The following C6orf89 variants were observed in gnomAD, a reference collection of about 807,000 sequenced individuals.
C6orf89 encodes the protein bombesin receptor-activated protein C6orf89.
In C6orf89, 29 loss-of-function variants were observed where a neutral mutation model predicts 40.7. The observed-to-expected ratio is 0.71, with a 90% CI of 0.53 to 0.97. The LOEUF (loss-of-function observed/expected upper bound fraction) is 0.97, where lower values mean the gene tolerates loss of function less well. Among genes scored for constraint, C6orf89 ranks in the 50% least tolerant of loss-of-function variants. The probability of loss-of-function intolerance (pLI) is 0.00; values close to 1 mark genes in which losing one functional copy is unlikely to be tolerated. For synonymous variants in C6orf89, 165 were observed against 152.2 expected, an observed-to-expected ratio of 1.08 and a Z score of -0.62; for missense variants, 392 against 429.1, an observed-to-expected ratio of 0.91 and a Z score of 0.76.
chr6:36,903,835 C>T (rs1761823039), intron 4 of C6orf89, among the ~76,000 whole-genome samples: 1 of 151,950 alleles, frequency 6.6e-6, no homozygotes, highest in Non-Finnish European at 1.5e-5. Context: ...ACAAGAATTC[C>T]ACCTCAGGAG....
intron 1 of C6orf89, among the ~76,000 whole-genome samples, chr6:36,894,161 A>G (rs999467872): frequency 2.6e-5 from 4 of 152,040 alleles, no homozygotes; most frequent in Admixed American, 2.0e-4. Flanking sequence ...GGATTCTCCT[A>G]CCGGCACACC....
At position 36,923,979 on chromosome 6, in the gene C6orf89, A is replaced by T. The variant is rs2150720755; in HGVS notation, c.*538A>T. The T allele has an allele frequency of 5.3e-6, 1 of 188,862 alleles. No individual in the cohort carries two copies. Among genetic ancestry groups the T allele is most frequent in the East Asian group, 1.3e-4 (1 of 7,442 alleles). 11.7% of individuals were successfully genotyped at this position (188,862 alleles called of 1,614,324 possible). On this transcript the variant is annotated 3_prime_UTR_variant, in exon 9 of 9. Transcript: ENST00000480824. ...AGAAACAGTGAAAAAAGTTCAGATA[A>T]CTTTGAATTGCATTCAAGAAGTACA...
At chr6:36,886,148 C>T in intron 1 of C6orf89, 120 bp downstream of exon 1, 5 of 920,240 alleles carry the variant, frequency 5.4e-6, no homozygotes, top group South Asian at 5.0e-5. Flanking sequence ...TCTATCCCAG[C>T]GCGGATCCCT....
At chr6:36,907,275 CTTTTG>C (rs58524464) in intron 4 of C6orf89, among the ~76,000 whole-genome samples, 32,303 of 151,056 alleles carry the variant, frequency 0.21, 3,478 homozygotes, top group East Asian at 0.29. Context: ...GGAAAGAAAT[CTTTTG>C]TTTTGTTTTG....
intron 4 of C6orf89, among the ~76,000 whole-genome samples, chr6:36,911,581 G>A (rs1232450085): frequency 6.6e-6 from 1 of 152,122 alleles, no homozygotes; most frequent in Non-Finnish European, 1.5e-5. Flanking sequence ...GCTAGCCCAT[G>A]CAGCACCTTT....
At chr6:36,915,972 A>G (rs36098393) in intron 6 of C6orf89, among the ~76,000 whole-genome samples, 11,127 of 152,186 alleles carry the variant, frequency 0.073, 421 homozygotes, top group South Asian at 0.1. Context: ...TAATGCTTCT[A>G]TCTTTCTTTA....
At position 36,927,621 on chromosome 6, in the gene C6orf89, T is replaced by G. The variant is rs1466509682; in HGVS notation, c.*4180T>G. On this transcript the variant is annotated 3_prime_UTR_variant, in exon 9 of 9. Coordinates refer to ENST00000480824, the MANE Select transcript of C6orf89 (RefSeq NM_001286635.2). ...TGACCCATCACCCACTACAATTTGT[T>G]GAAGGAAGGGAGTGTCAGAGATATG... is the stretch of plus-strand genomic sequence containing the variant. The G allele has an allele frequency of 2.6e-5, 4 of 152,238 alleles. No homozygotes were observed. 9.4% of individuals were successfully genotyped at this position (152,238 alleles called of 1,614,324 possible).
At position 36,925,238 on chromosome 6, in the gene C6orf89, G is replaced by C. The variant is rs563986411; in HGVS notation, c.*1797G>C. 6.6e-6 allele frequency: 1 copy of C among 152,194 alleles called. No homozygotes were observed. The highest frequency in any genetic ancestry group is 6.5e-5 in the Admixed American group (1 of 15,284). The allele number at this position is 152,194 out of a possible 1,614,324, so 9.4% of individuals were successfully genotyped here. A position where few individuals can be genotyped will look rare whatever the true frequency, so the allele number is the denominator to read the frequency against. ...CTTCTGCAGTGTCCTTACCCTGGCT[G>C]TACATGGGGAAGGGCTATGTGTAAA... is the stretch of plus-strand genomic sequence containing the variant. On this transcript the variant is annotated 3_prime_UTR_variant, in exon 9 of 9. Transcript: ENST00000480824.
intron 5 of C6orf89, 22 bp from the exon 6 acceptor site, chr6:36,914,531 GT>G (rs756021097): frequency 1.2e-6 from 2 of 1,613,322 alleles, no homozygotes; most frequent in African/African-American, 1.3e-5. Context: ...GTGTTGTTTT[GT>G]TTTGTTTCCT....
At chr6:36,899,892 G>A (rs890474529) in intron 3 of C6orf89, among the ~76,000 whole-genome samples, 15 of 152,208 alleles carry the variant, frequency 9.9e-5, no homozygotes, top group African/African-American at 3.4e-4. Flanking sequence ...TGTTTGTTGT[G>A]TGTGTGTGTT....
At chr6:36,901,691 C>G (rs1339561925) in intron 3 of C6orf89, among the ~76,000 whole-genome samples, 1 of 142,782 alleles carries the variant, frequency 7.0e-6, no homozygotes, top group Admixed American at 7.1e-5. Flanking sequence ...TTTTTTGAGA[C>G]GGAGTCTCTC....
At chr6:36,899,800 T>C (rs1761595744) in intron 3 of C6orf89, among the ~76,000 whole-genome samples, 167 bp downstream of exon 3, 1 of 152,256 alleles carries the variant, frequency 6.6e-6, no homozygotes, top group South Asian at 2.1e-4. Context: ...GACTGTGTTG[T>C]TAAAGGTCCT....
rs79686273 is a variant in C6orf89 at position 36,923,355 on chromosome 6, G to A, written c.958G>A (p.Asp320Asn). 9.9e-6 allele frequency: 16 copies of A among 1,613,508 alleles called. No individual in the cohort carries two copies. Among genetic ancestry groups the A allele is most frequent in the African/African-American group, 1.3e-5 (1 of 74,868 alleles). The change falls in exon 9 of 9, where the codon GAC becomes AAC. Residue 320 changes from aspartate to asparagine, a missense_variant. Asp to Asn is a conservative substitution (Grantham distance 23). Transcript: ENST00000480824. ...PIEPGDIGYV[D>N]TTHWKVYVIA... ...TGCTATTTCCCCTCAAGGCTATGTC[G>A]ACACCACCCACTGGAAGGTCTACGT...
intron 2 of C6orf89, among the ~76,000 whole-genome samples, chr6:36,898,138 A>G (rs1417482775): frequency 3.3e-5 from 5 of 152,188 alleles, no homozygotes; most frequent in African/African-American, 1.2e-4. Context: ...GCTGGAGTGC[A>G]GTGGTATGAT....
At chr6:36,877,605 A>G (rs753006419) in intron 1 of C6orf89, among the ~76,000 whole-genome samples, 28 of 152,216 alleles carry the variant, frequency 1.8e-4, no homozygotes, top group Non-Finnish European at 2.2e-4. Flanking sequence ...CTGGGATTAC[A>G]GGCATGAGCC....
Position 36,914,387 on chromosome 6 carries a change from G to A in C6orf89, c.507G>A (p.Leu169=), listed in dbSNP as rs752263728. The change falls in exon 5 of 9, where the codon CTG becomes CTA. Residue 169 remains leucine (L), a synonymous_variant. Transcript: ENST00000480824. The part of the protein sequence containing the change: ...CAQKHLKVML[L]EDAPRKFERL... ...AGAAACACCTGAAGGTGATGCTCCTGGAAGACGCCCCAAGGAAATTTGAGA... is the reference window on the plus strand; with the variant it reads ...AGAAACACCTGAAGGTGATGCTCCTAGAAGACGCCCCAAGGAAATTTGAGA... 3.1e-6 allele frequency: 5 copies of A among 1,614,170 alleles called. No homozygotes were observed. Among genetic ancestry groups the A allele is most frequent in the Non-Finnish European group, 4.2e-6 (5 of 1,180,030 alleles).
intron 4 of C6orf89, among the ~76,000 whole-genome samples, chr6:36,910,614 G>A (rs1230243195): frequency 1.3e-5 from 2 of 152,058 alleles, no homozygotes; most frequent in African/African-American, 4.8e-5. Context: ...GGTAGTCCCA[G>A]CTACTTGGGA....
chr6:36,918,873 C>G (rs961506212), intron 7 of C6orf89, among the ~76,000 whole-genome samples: 2 of 152,224 alleles, frequency 1.3e-5, no homozygotes, highest in African/African-American at 4.8e-5. Context: ...ATCATGCCCT[C>G]AGAGGGGCAG....
At chr6:36,875,383 T>C (rs1227192963) in intron 1 of C6orf89, among the ~76,000 whole-genome samples, 1 of 152,048 alleles carries the variant, frequency 6.6e-6, no homozygotes, top group East Asian at 1.9e-4. Flanking sequence ...GCCTGCAGAA[T>C]CCAAAGACGA....
Sources: allele counts gnomAD v4.1 joint callset (sites outside exome capture counted in the v4.1 genomes callset), GRCh38; gene constraint gnomAD v4.1.1; transcripts MANE v1.5; gene names NCBI Gene and HGNC (gene_info 2026-07-23, HGNC 2026-07-21).